Variants in TPTE observed in about 807,000 individuals in gnomAD.
TPTE encodes the protein putative tyrosine-protein phosphatase TPTE.
A neutral mutation model predicts 84.1 loss-of-function variants in TPTE; 59 were observed. That is an observed-to-expected ratio of 0.70 (90% CI 0.57 to 0.87). The LOEUF (loss-of-function observed/expected upper bound fraction) is 0.87, where lower values mean the gene tolerates loss of function less well. Among genes scored for constraint, TPTE ranks in the 40% least tolerant of loss-of-function variants. The probability of loss-of-function intolerance (pLI) is 0.00; values close to 1 mark genes in which losing one functional copy is unlikely to be tolerated. For missense variants in TPTE, 382 were observed against 659.6 expected (o/e 0.58, Z 4.61); for synonymous variants, 130 against 223.5 (o/e 0.58, Z 3.73).
At chr21:10,522,457 G>A (rs1188102265) in intron 1 of TPTE, among the ~76,000 whole-genome samples, 1 of 152,310 alleles carries the variant, frequency 6.6e-6, no homozygotes, top group Admixed American at 6.5e-5. Flanking sequence ...GGCGCGGGCG[G>A]AGGGGGGACG....
At chr21:10,568,904 A>G (rs2074981589) in intron 11 of TPTE, among the ~76,000 whole-genome samples, 1 of 152,306 alleles carries the variant, frequency 6.6e-6, no homozygotes, top group Non-Finnish European at 1.5e-5. Context: ...GATTCCAGCT[A>G]GCACACTTCG....
intron 8 of TPTE, among the ~76,000 whole-genome samples, chr21:10,556,972 A>T (rs1487272196): frequency 1.3e-5 from 2 of 152,416 alleles, no homozygotes; most frequent in South Asian, 4.1e-4. Flanking sequence ...GATTCCAAAA[A>T]TTTTCTCCCA....
chr21:10,562,861 C>T (rs1223509003), intron 10 of TPTE, among the ~76,000 whole-genome samples: 1 of 152,310 alleles, frequency 6.6e-6, no homozygotes, highest in South Asian at 2.1e-4. Context: ...GGTAACAGAA[C>T]ATCCCAAACC....
At chr21:10,564,562 A>G (rs1422945379) in intron 10 of TPTE, among the ~76,000 whole-genome samples, 1 of 152,308 alleles carries the variant, frequency 6.6e-6, no homozygotes, top group Admixed American at 6.5e-5. Flanking sequence ...AACCAAAAAC[A>G]TGCTAATATA....
chr21:10,548,646 A>T (rs1422922966), intron 7 of TPTE, among the ~76,000 whole-genome samples: 2 of 152,298 alleles, frequency 1.3e-5, no homozygotes, highest in Non-Finnish European at 1.5e-5. Context: ...CCTGAGAAAC[A>T]CCCCTCTTGG....
At chr21:10,554,955 G>A (rs1475995587) in intron 8 of TPTE, among the ~76,000 whole-genome samples, 31 of 152,276 alleles carry the variant, frequency 2.0e-4, no homozygotes, top group Non-Finnish European at 3.7e-4. Flanking sequence ...AGTGTTTTTC[G>A]TGCTTTGCAT....
At position 10,605,622 on chromosome 21, in the gene TPTE, C is replaced by G; in HGVS notation, c.*70C>G. On this transcript the variant is annotated 3_prime_UTR_variant, in exon 24 of 24. Transcript: ENST00000618007. ...CAACCCTGCCACATGTTCATATATC[C>G]TAAATCTATCCTAAATGTTCCTTGA... The G allele has an allele frequency of 6.2e-7, 1 of 1,607,302 alleles. No individual in the cohort carries two copies. Among genetic ancestry groups the G allele is most frequent in the Non-Finnish European group, 8.5e-7 (1 of 1,177,886 alleles).
chr21:10,564,154 AAAAT>A (rs1162222000), intron 10 of TPTE, among the ~76,000 whole-genome samples: 29 of 152,408 alleles, frequency 1.9e-4, no homozygotes, highest in African/African-American at 6.0e-4. Flanking sequence ...CTCCAGCTCA[AAAAT>A]AAATAAAATA....
intron 8 of TPTE, among the ~76,000 whole-genome samples, chr21:10,558,088 T>C (rs2074718315): frequency 6.6e-6 from 1 of 152,310 alleles, no homozygotes; most frequent in Admixed American, 6.5e-5. Flanking sequence ...ATGATCTCAT[T>C]CTTTTTTTAT....
chr21:10,605,661 G>A lies in TPTE; in HGVS notation c.*109G>A. 1 of 1,469,422 alleles carries A rather than the reference G, an allele frequency of 6.8e-7. No individual in the cohort carries two copies. The highest frequency in any genetic ancestry group is 9.1e-7 in the Non-Finnish European group (1 of 1,098,486). 91.0% of individuals were successfully genotyped at this position (1,469,422 alleles called of 1,614,324 possible). ...AATGTTCCTTGAAGTATTTATTTAT[G>A]TTTATATATGTTTATATATGTTCTT... On this transcript the variant is annotated 3_prime_UTR_variant, in exon 24 of 24. Transcript: ENST00000618007.
intron 7 of TPTE, among the ~76,000 whole-genome samples, chr21:10,544,525 C>T (rs1271633743): frequency 6.6e-6 from 1 of 152,308 alleles, no homozygotes; most frequent in Non-Finnish European, 1.5e-5. Flanking sequence ...GCTGGGACTG[C>T]AGTCATGTGC....
chr21:10,524,423 G>A (rs1188428297), intron 1 of TPTE, among the ~76,000 whole-genome samples, 157 bp from the exon 2 acceptor site: 1 of 152,308 alleles, frequency 6.6e-6, no homozygotes, highest in South Asian at 2.1e-4. Context: ...AGGCCAAATA[G>A]CAATAACCTT....
At chr21:10,539,376 A>C (rs528383567) in intron 4 of TPTE, among the ~76,000 whole-genome samples, 1 of 152,428 alleles carries the variant, frequency 6.6e-6, no homozygotes, top group South Asian at 2.1e-4. Flanking sequence ...CCTTAGGCCC[A>C]CAGCTACTTG....
At chr21:10,584,721 AATAAT>A (rs2075331819) in intron 17 of TPTE, among the ~76,000 whole-genome samples, 1 of 152,312 alleles carries the variant, frequency 6.6e-6, no homozygotes, top group Non-Finnish European at 1.5e-5. Flanking sequence ...ATCATATGAA[AATAAT>A]AAATTATATT....
At chr21:10,604,366 AC>A (rs1249668319) in intron 23 of TPTE, among the ~76,000 whole-genome samples, 1 of 152,310 alleles carries the variant, frequency 6.6e-6, no homozygotes, top group African/African-American at 2.4e-5. Context: ...ATACAAAAGG[AC>A]AAAATATTTT....
At chr21:10,540,145 G>A (rs2074341397) in intron 4 of TPTE, among the ~76,000 whole-genome samples, 1 of 152,308 alleles carries the variant, frequency 6.6e-6, no homozygotes, top group Admixed American at 6.5e-5. Context: ...CTTTGGCACG[G>A]CCCTGTGTGT....
intron 17 of TPTE, among the ~76,000 whole-genome samples, chr21:10,584,726 T>C (rs2075331910): frequency 6.6e-6 from 1 of 152,308 alleles, no homozygotes; most frequent in South Asian, 2.1e-4. Context: ...ATGAAAATAA[T>C]AAATTATATT....
chr21:10,592,500 C>T (rs1461376572), intron 19 of TPTE, 127 bp downstream of exon 19: 7 of 1,237,934 alleles, frequency 5.7e-6, no homozygotes, highest in South Asian at 1.4e-5. Context: ...TGCCCTGCAA[C>T]AGGCCTTAGT....
chr21:10,563,325 C>T (rs1301524191), intron 10 of TPTE, among the ~76,000 whole-genome samples: 1 of 152,310 alleles, frequency 6.6e-6, no homozygotes, highest in Admixed American at 6.5e-5. Flanking sequence ...ATAAAACTCA[C>T]TGGTAATAGT....
Sources: allele counts gnomAD v4.1 joint callset (sites outside exome capture counted in the v4.1 genomes callset), GRCh38; gene constraint gnomAD v4.1.1; transcripts MANE v1.5; gene names NCBI Gene and HGNC (gene_info 2026-07-23, HGNC 2026-07-21).